The following ADAP1 variants were observed in gnomAD, a reference collection of about 807,000 sequenced individuals.
ADAP1 encodes the protein arf-GAP with dual PH domain-containing protein 1.
In ADAP1, 31 loss-of-function variants were observed where a neutral mutation model predicts 54.9. The observed-to-expected ratio is 0.56, with a 90% CI of 0.42 to 0.76. The LOEUF (loss-of-function observed/expected upper bound fraction) is 0.76. Ranked by LOEUF, ADAP1 falls within the 30% of genes least tolerant of loss-of-function variation. ADAP1 has a pLI of 0.00. For missense variants in ADAP1, 535 were observed against 512.4 expected (o/e 1.04, Z -0.42); for synonymous variants, 313 against 202.6 (o/e 1.55, Z -4.63).
At chr7:923,684 C>T (rs986155713) in intron 3 of ADAP1, among the ~76,000 whole-genome samples, 5 of 152,178 alleles carry the variant, frequency 3.3e-5, no homozygotes, top group Admixed American at 6.5e-5. Flanking sequence ...CCTGGAGGGA[C>T]CCCAGTGTGT....
chr7:914,639 C>A lies in ADAP1; in HGVS notation c.388+5329G>T, dbSNP rs916704053. 4.6e-5 allele frequency among the ~76,000 whole-genome samples: 7 copies of A among 152,308 alleles called. 2 individuals carry two copies. Among genetic ancestry groups the A allele is most frequent in the South Asian group, 4.1e-4 (2 of 4,822 alleles). ...GATGGACACCTGCTCCCTCATCCAT[C>A]CAGCAAAGGGCAGAACCTAGGGTTC... On this transcript the variant is annotated intron_variant, in intron 4 of 10. Transcript: ENST00000265846.
intron 4 of ADAP1, among the ~76,000 whole-genome samples, chr7:906,643 G>GGAAAGGAGAAAGGAGAAAGGAGAAAGGA (rs1554272360): frequency 3.3e-5 from 3 of 91,622 alleles, no homozygotes; most frequent in African/African-American, 1.7e-4. Flanking sequence ...AAGGAGAAAG[G>GGAAAGGAGAAAGGAGAAAGGAGAAAGGA]GAAAGGAGAA....
rs1363998173 is a variant in ADAP1 at position 914,285 on chromosome 7, C to T, written c.388+5683G>A. Among the ~76,000 whole-genome samples, 3 of 152,232 alleles carry T rather than the reference C, an allele frequency of 2.0e-5. No individual in the cohort carries two copies. The East Asian group carries it at 5.8e-4, about 29-fold the overall frequency. On this transcript the variant is annotated intron_variant, in intron 4 of 10. Transcript: ENST00000265846. ...TGGCAGGCCCTTCCCAAGCCCCGAGCTTCCCCTTCCTCCCGGGCCCTGCCG... is the reference window on the plus strand; with the variant it reads ...TGGCAGGCCCTTCCCAAGCCCCGAGTTTCCCCTTCCTCCCGGGCCCTGCCG...
intron 4 of ADAP1, among the ~76,000 whole-genome samples, chr7:918,035 C>T (rs1229017285): frequency 6.6e-6 from 1 of 152,130 alleles, no homozygotes; most frequent in East Asian, 1.9e-4. Context: ...GAGATCTGCC[C>T]GCCTTGACCT....
chr7:940,327 C>G (rs577724934), intron 1 of ADAP1, among the ~76,000 whole-genome samples: 1,993 of 117,948 alleles, frequency 0.017, 22 homozygotes, highest in Non-Finnish European at 0.026. Context: ...GTCACAGACC[C>G]TGTCACACAC....
rs1846125844 is a variant in ADAP1 at position 920,029 on chromosome 7, G to A, written c.327C>T (p.Ile109=). 3 of 1,607,318 alleles carry A rather than the reference G, an allele frequency of 1.9e-6. No individual in the cohort carries two copies. Among genetic ancestry groups the A allele is most frequent in the Non-Finnish European group, 2.5e-6 (3 of 1,179,556 alleles). Residue 109 remains isoleucine, a synonymous_variant, in exon 4 of 11, where the codon ATC becomes ATT. Coordinates refer to ENST00000265846, the MANE Select transcript of ADAP1 (RefSeq NM_006869.4). The surrounding 1 kb of genome is among the most constrained non-coding windows in gnomAD (Gnocchi z 4.5). ...ACTCCTGTCGCTCGTACTTGGCCCG[G>A]ATCCACTGCTCTCGAAGGAGCCTGT... The part of the protein sequence containing the change: ...SDCQLLREQW[I]RAKYERQEFI...
chr7:929,075 C>T (rs1268103927), intron 2 of ADAP1, among the ~76,000 whole-genome samples: 3 of 152,080 alleles, frequency 2.0e-5, no homozygotes, highest in Non-Finnish European at 4.4e-5. Flanking sequence ...GGGCAGATCA[C>T]GAGGTCAGGA....
At position 937,103 on chromosome 7, in the gene ADAP1, C is replaced by CGGATTTGGGGGTCACGCCCGACCTCTG. The variant is rs1562934025; in HGVS notation, c.83-1625_83-1599dup. On this transcript the variant is annotated intron_variant, in intron 1 of 10. Coordinates refer to ENST00000265846, the MANE Select transcript of ADAP1 (RefSeq NM_006869.4). ...GGGATTTGGGGGTCACGCCGGGCCTCGGATTTGGGGGTCACGCCCGACCTC... is the reference window on the plus strand; with the variant it reads ...GGGATTTGGGGGTCACGCCGGGCCTCGGATTTGGGGGTCACGCCCGACCTCTGGGATTTGGGGGTCACGCCCGACCTC... Among the ~76,000 whole-genome samples the CGGATTTGGGGGTCACGCCCGACCTCTG allele has an allele frequency of 2.3e-4, 18 of 79,318 alleles. 3 individuals carry two copies. Among genetic ancestry groups the CGGATTTGGGGGTCACGCCCGACCTCTG allele is most frequent in the South Asian group, 2.2e-3 (5 of 2,234 alleles). 52.0% of individuals were successfully genotyped at this position (79,318 alleles called of 152,430 possible).
intron 4 of ADAP1, among the ~76,000 whole-genome samples, chr7:912,863 T>C (rs943850329): frequency 7.9e-5 from 12 of 152,148 alleles, no homozygotes; most frequent in African/African-American, 2.9e-4. Context: ...TATTTATTTA[T>C]GTTTTAAGAC....
intron 4 of ADAP1, among the ~76,000 whole-genome samples, chr7:909,731 G>A (rs1028243741): frequency 6.6e-6 from 1 of 152,252 alleles, no homozygotes; most frequent in Non-Finnish European, 1.5e-5. Context: ...GGCCAGAAAT[G>A]GCCATTTTCT....
chr7:905,789 A>AGGGAAAGGAGAAGGGAGAAGGGAGAAG (rs1562912932), intron 4 of ADAP1, among the ~76,000 whole-genome samples: 1 of 31,678 alleles, frequency 3.2e-5, no homozygotes, highest in African/African-American at 1.2e-4. Flanking sequence ...GAAAGGAGAA[A>AGGGAAAGGAGAAGGGAGAAGGGAGAAG]GGAGAAAGGA....
intron 3 of ADAP1, among the ~76,000 whole-genome samples, chr7:921,213 C>A (rs546425364): frequency 6.6e-6 from 1 of 152,152 alleles, no homozygotes; most frequent in Non-Finnish European, 1.5e-5. Flanking sequence ...GCCGCCAGTG[C>A]CCCCACCTCG....
chr7:901,151 G>A (rs760192399), intron 6 of ADAP1: 6 of 406,162 alleles, frequency 1.5e-5, no homozygotes, highest in African/African-American at 2.1e-5. Flanking sequence ...GTCCTCTGGA[G>A]AGCGTGGGGT....
chr7:951,250 G>A (rs963185558), intron 1 of ADAP1, among the ~76,000 whole-genome samples: 19 of 152,050 alleles, frequency 1.2e-4, no homozygotes, highest in Non-Finnish European at 2.2e-4. Context: ...GCGGGTGCCT[G>A]TAGTCCCAGC....
rs989764803 is a variant in ADAP1, at chr7:946,943, G to A, written c.82+7453C>T. On this transcript the variant is annotated intron_variant, in intron 1 of 10. Coordinates refer to ENST00000265846, the MANE Select transcript of ADAP1 (RefSeq NM_006869.4). The surrounding 1 kb of genome is among the most constrained non-coding windows in gnomAD (Gnocchi z 4.3). ...GCCCAGGAGTTCGAGACCAGCCTGG[G>A]CAACATAGTGAGACACCGCGACTCC... 6.6e-6 allele frequency among the ~76,000 whole-genome samples: 1 copy of A among 152,184 alleles called. No individual in the cohort carries two copies. Among genetic ancestry groups the A allele is most frequent in the Non-Finnish European group, 1.5e-5 (1 of 68,026 alleles).
chr7:925,327 C>A (rs1469005754), intron 3 of ADAP1, among the ~76,000 whole-genome samples: 1 of 147,798 alleles, frequency 6.8e-6, no homozygotes, highest in Non-Finnish European at 1.5e-5. Flanking sequence ...TTGCAACCAG[C>A]CTGGGCAATG....
intron 9 of ADAP1, 76 bp from the exon 10 acceptor site, chr7:899,337 G>A (rs1289206941): frequency 1.9e-6 from 3 of 1,604,656 alleles, no homozygotes; most frequent in South Asian, 2.2e-5. Context: ...GACTCGGGAG[G>A]CCACCCGCCC....
chr7:927,093 C>T (rs751001883), intron 2 of ADAP1: 31 of 1,303,652 alleles, frequency 2.4e-5, no homozygotes, highest in Middle Eastern at 4.2e-4. Flanking sequence ...ACACGGGGGC[C>T]TGGAGATGGG....
intron 7 of ADAP1, 105 bp downstream of exon 7, chr7:900,428 C>A: frequency 7.8e-7 from 1 of 1,286,782 alleles, no homozygotes; most frequent in Non-Finnish European, 1.1e-6. Context: ...CCCAGGCCCA[C>A]CCTAGGGCTC....
Sources: gnomAD v4.1 joint callset for allele counts (sites outside exome capture counted in the v4.1 genomes callset) on GRCh38, gnomAD v4.1.1 for gene constraint, Gnocchi (gnomAD v3.1) non-coding constraint, MANE v1.5 for transcripts, NCBI Gene and HGNC (gene_info 2026-07-23, HGNC 2026-07-21) for gene names.